Variants in PITPNC1 observed in about 807,000 individuals in gnomAD.
PITPNC1 encodes phosphatidylinositol transfer protein cytoplasmic 1.
In PITPNC1, 18 loss-of-function variants were observed where a neutral mutation model predicts 44.7. The ratio of observed to expected loss-of-function variants is 0.40; its 90% CI spans 0.28 to 0.60. The LOEUF is 0.60. PITPNC1 is among the 20% of genes least tolerant of loss of function. The pLI, the probability that PITPNC1 is intolerant of heterozygous loss-of-function variation, is 0.39. For missense variants in PITPNC1, 290 were observed against 418.4 expected (o/e 0.69, Z 2.68); for synonymous variants, 141 against 149.6 (o/e 0.94, Z 0.42).
At chr17:67,626,717 A>C (rs2041899884) in intron 5 of PITPNC1, among the ~76,000 whole-genome samples, 1 of 151,906 alleles carries the variant, frequency 6.6e-6, no homozygotes, top group African/African-American at 2.4e-5. Flanking sequence ...TGTAGGACCC[A>C]TCAGCCCATA....
At chr17:67,519,418 C>T (rs1013692114) in intron 1 of PITPNC1, among the ~76,000 whole-genome samples, 1 of 152,096 alleles carries the variant, frequency 6.6e-6, no homozygotes, top group Non-Finnish European at 1.5e-5. Context: ...CTCAAGTAAT[C>T]CTCTTGCCTT....
intron 1 of PITPNC1, among the ~76,000 whole-genome samples, chr17:67,438,752 A>G (rs2038971506): frequency 1.3e-5 from 2 of 152,238 alleles, no homozygotes. Flanking sequence ...GAACTGAAGA[A>G]GCAACCCTGA....
chr17:67,378,877 G>A, intron 1 of PITPNC1: 2 of 574,254 alleles, frequency 3.5e-6, no homozygotes, highest in Non-Finnish European at 4.4e-6. Context: ...AGCGGCGGGG[G>A]CTGCGACGCG....
intron 6 of PITPNC1, among the ~76,000 whole-genome samples, chr17:67,649,330 C>G (rs974627975): frequency 6.6e-6 from 1 of 152,198 alleles, no homozygotes; most frequent in Non-Finnish European, 1.5e-5. Flanking sequence ...TGAAGGAGCC[C>G]ATGGCTAGGG....
intron 1 of PITPNC1, among the ~76,000 whole-genome samples, chr17:67,463,018 T>A (rs2039366098): frequency 6.6e-6 from 1 of 152,264 alleles, no homozygotes; most frequent in Non-Finnish European, 1.5e-5. Context: ...GGAAATTTTT[T>A]AAAAACAAAG....
At chr17:67,502,754 T>C (rs201396686) in intron 1 of PITPNC1, among the ~76,000 whole-genome samples, 32 of 48,266 alleles carry the variant, frequency 6.6e-4, no homozygotes, top group East Asian at 1.4e-3. Flanking sequence ...CATTGTATTG[T>C]ATTGTATTGT....
At chr17:67,428,839 C>T (rs373207891) in intron 1 of PITPNC1, among the ~76,000 whole-genome samples, 11 of 113,160 alleles carry the variant, frequency 9.7e-5, no homozygotes, top group Admixed American at 2.1e-4. Context: ...ACTTGTCTTG[C>T]TTTTTTTTTT....
intron 5 of PITPNC1, among the ~76,000 whole-genome samples, chr17:67,623,711 G>A (rs2041862138): frequency 6.6e-6 from 1 of 152,156 alleles, no homozygotes; most frequent in Non-Finnish European, 1.5e-5. Context: ...AGCAGTTTAG[G>A]TTTACAGAAA....
intron 1 of PITPNC1, among the ~76,000 whole-genome samples, chr17:67,494,268 T>G (rs1456044875): frequency 6.7e-6 from 1 of 150,362 alleles, no homozygotes; most frequent in Non-Finnish European, 1.5e-5. Flanking sequence ...TGGCGCAATC[T>G]TGACTCACTG....
chr17:67,695,606 G>GTGTATA lies in PITPNC1; in HGVS notation c.*2719_*2720insGTATAT, dbSNP rs1036780986. The stretch of plus-strand genomic sequence containing the variant: ...TTCACCAAAATTGTATTATACCTGT[G>GTGTATA]TATATATATATATATATATATATAT... On this transcript the variant is annotated 3_prime_UTR_variant, in exon 9 of 9. Coordinates refer to ENST00000581322, the MANE Select transcript of PITPNC1 (RefSeq NM_012417.4). 1 of 142,982 alleles carries GTGTATA rather than the reference G, an allele frequency of 7.0e-6. No individual in the cohort carries two copies. Among genetic ancestry groups the GTGTATA allele is most frequent in the Non-Finnish European group, 1.5e-5 (1 of 65,480 alleles). 8.9% of individuals were successfully genotyped at this position (142,982 alleles called of 1,614,324 possible).
rs2144083709 is a variant in PITPNC1, at chr17:67,508,486, A to G, written c.49-24316A>G. Among the ~76,000 whole-genome samples the G allele has an allele frequency of 6.6e-6, 1 of 152,290 alleles. No individual in the cohort carries two copies. The highest frequency in any genetic ancestry group is 1.9e-4 in the East Asian group (1 of 5,180). On this transcript the variant is annotated intron_variant, in intron 1 of 8. Coordinates refer to ENST00000581322, the MANE Select transcript of PITPNC1 (RefSeq NM_012417.4). This position sits in a 1 kb window ranked among gnomAD's most constrained non-coding sequence, Gnocchi z 4.2. The stretch of plus-strand genomic sequence containing the variant: ...ACGACCAGAGGTCACTCCTGTCGCC[A>G]TCTTGGTTTTGGTGGGTTTTACCTG...
intron 1 of PITPNC1, among the ~76,000 whole-genome samples, chr17:67,443,000 T>C (rs2039036990): frequency 6.6e-6 from 1 of 151,988 alleles, no homozygotes; most frequent in African/African-American, 2.4e-5. Context: ...CCGCGGGCTC[T>C]GACCTACACA....
At chr17:67,672,777 A>G (rs1172351203) in intron 7 of PITPNC1, among the ~76,000 whole-genome samples, 3 of 152,060 alleles carry the variant, frequency 2.0e-5, no homozygotes, top group South Asian at 2.1e-4. Flanking sequence ...TGTTATTGAC[A>G]CTCCAGAAAC....
chr17:67,663,187 T>C (rs1036757812), intron 6 of PITPNC1, among the ~76,000 whole-genome samples: 6 of 152,202 alleles, frequency 3.9e-5, no homozygotes, highest in African/African-American at 1.2e-4. Context: ...GTGTATCTGA[T>C]ACAGGCAAGC....
At chr17:67,521,550 C>A (rs1401897191) in intron 1 of PITPNC1, among the ~76,000 whole-genome samples, 1 of 152,068 alleles carries the variant, frequency 6.6e-6, no homozygotes, top group Non-Finnish European at 1.5e-5. Context: ...GACAAAACAC[C>A]CAAGAACTTT....
chr17:67,544,383 T>G (rs1439083216), intron 2 of PITPNC1, among the ~76,000 whole-genome samples: 1 of 150,498 alleles, frequency 6.6e-6, no homozygotes, highest in East Asian at 2.0e-4. Context: ...CCCTTCCCAC[T>G]GAAGCCCAGG....
intron 1 of PITPNC1, among the ~76,000 whole-genome samples, chr17:67,386,191 A>G (rs1477959177): frequency 6.6e-6 from 1 of 152,070 alleles, no homozygotes; most frequent in Non-Finnish European, 1.5e-5. Flanking sequence ...AAAGAAATTA[A>G]TATACTTTAT....
chr17:67,686,135 C>G (rs2042811153), intron 8 of PITPNC1, among the ~76,000 whole-genome samples: 1 of 151,392 alleles, frequency 6.6e-6, no homozygotes, highest in African/African-American at 2.4e-5. Context: ...CTGGCCTGAA[C>G]ATTTTTATCA....
chr17:67,470,551 C>G (rs907151510), intron 1 of PITPNC1, among the ~76,000 whole-genome samples: 14 of 151,224 alleles, frequency 9.3e-5, no homozygotes, highest in African/African-American at 2.7e-4. Context: ...TGAAATTCAT[C>G]CATATTCCCC....
Sources: gnomAD v4.1 joint callset for allele counts (sites outside exome capture counted in the v4.1 genomes callset) on GRCh38, gnomAD v4.1.1 for gene constraint, Gnocchi (gnomAD v3.1) non-coding constraint, MANE v1.5 for transcripts, NCBI Gene and HGNC (gene_info 2026-07-23, HGNC 2026-07-21) for gene names.